NDFIP1: variants seen among roughly 807,000 people sequenced by gnomAD.
NDFIP1 encodes NEDD4 family-interacting protein 1.
NDFIP1 carries 7 observed loss-of-function variants against 28.8 expected under a neutral mutation model. The ratio of observed to expected loss-of-function variants is 0.24; its 90% CI spans 0.14 to 0.46. NDFIP1 has a LOEUF of 0.46. NDFIP1 is among the 20% of genes least tolerant of loss of function. The pLI, the probability that NDFIP1 is intolerant of heterozygous loss-of-function variation, is 0.99. For synonymous variants in NDFIP1, 92 were observed against 101.0 expected (o/e 0.91, Z 0.53); for missense variants, 194 against 269.1 (o/e 0.72, Z 1.95).
Position 142,153,069 on chromosome 5 carries a change from T to C in NDFIP1, c.*1341T>C. ...ATTATGCTTCAATTTTTAGACATAATTTTAGATAATTTATTTCCAGTGTTT... is the reference window on the plus strand; with the variant it reads ...ATTATGCTTCAATTTTTAGACATAACTTTAGATAATTTATTTCCAGTGTTT... On this transcript the variant is annotated 3_prime_UTR_variant, in exon 8 of 8. Transcript: ENST00000253814. 2 of 341,220 alleles carry C rather than the reference T, an allele frequency of 5.9e-6. No homozygotes were observed. The highest frequency in any genetic ancestry group is 4.7e-5 in the South Asian group (2 of 42,840). The allele number at this position is 341,220 out of a possible 1,614,324, so 21.1% of individuals were successfully genotyped here. A position where few individuals can be genotyped will look rare whatever the true frequency, so the allele number is the denominator to read the frequency against.
At chr5:142,134,201 G>A (rs1034050313) in intron 3 of NDFIP1, 1 of 152,200 alleles carries the variant, frequency 6.6e-6, no homozygotes, top group Non-Finnish European at 1.5e-5. Context: ...GACTTGTGTG[G>A]TGTTTTGGAA....
At chr5:142,133,179 C>T (rs949865083) in intron 3 of NDFIP1, among the ~76,000 whole-genome samples, 2 of 152,112 alleles carry the variant, frequency 1.3e-5, no homozygotes, top group Non-Finnish European at 2.9e-5. Flanking sequence ...CTGTGAGGAG[C>T]GAAGCTCCTA....
intron 7 of NDFIP1, among the ~76,000 whole-genome samples, chr5:142,149,330 A>G (rs895969584): frequency 9.9e-5 from 15 of 152,098 alleles, no homozygotes; most frequent in Non-Finnish European, 1.8e-4. Context: ...ATAATAGGGA[A>G]ATGGTGTTTC....
chr5:142,122,143 C>G (rs188790717), intron 1 of NDFIP1, among the ~76,000 whole-genome samples: 23 of 152,310 alleles, frequency 1.5e-4, no homozygotes, highest in African/African-American at 5.3e-4. Context: ...TACTTAAATC[C>G]AGAAACAGCA....
intron 1 of NDFIP1, among the ~76,000 whole-genome samples, chr5:142,123,501 G>A (rs1402950185): frequency 6.6e-6 from 1 of 152,004 alleles, no homozygotes. Context: ...TTCTCCTTTG[G>A]AAGGAGCTGC....
intron 6 of NDFIP1, chr5:142,142,940 A>AAAAAAG (rs60076432): frequency 2.6e-5 from 1 of 38,150 alleles, no homozygotes; most frequent in African/African-American, 1.3e-4. Flanking sequence ...AAAAAAAAAA[A>AAAAAAG]ATATATATAT....
chr5:142,142,191 A>C (rs1223974118), intron 6 of NDFIP1, among the ~76,000 whole-genome samples: 2 of 152,138 alleles, frequency 1.3e-5, no homozygotes. Flanking sequence ...AGAGCCTTGC[A>C]TTGCTGACCC....
At chr5:142,134,304 T>G (rs911184987) in intron 3 of NDFIP1, among the ~76,000 whole-genome samples, 6 of 152,196 alleles carry the variant, frequency 3.9e-5, no homozygotes, top group Non-Finnish European at 8.8e-5. Context: ...GTAATATTAT[T>G]AGATGTTACT....
chr5:142,137,272 C>G (rs900642470), intron 4 of NDFIP1, among the ~76,000 whole-genome samples: 95 of 152,256 alleles, frequency 6.2e-4, no homozygotes, highest in Non-Finnish European at 2.5e-4. Context: ...GTGATCCCCC[C>G]ACCTCAGCCT....
At chr5:142,123,556 G>A (rs1371959530) in intron 1 of NDFIP1, among the ~76,000 whole-genome samples, 1 of 152,096 alleles carries the variant, frequency 6.6e-6, no homozygotes, top group Non-Finnish European at 1.5e-5. Flanking sequence ...GCTTGTTTGT[G>A]CTTCCATGTT....
chr5:142,141,248 T>C (rs112028479), intron 6 of NDFIP1, among the ~76,000 whole-genome samples: 23,310 of 136,936 alleles, frequency 0.17, 2,670 homozygotes, highest in African/African-American at 0.34. Flanking sequence ...TGATCTCGGC[T>C]CACTGCAAGC....
intron 1 of NDFIP1, among the ~76,000 whole-genome samples, chr5:142,115,300 T>G (rs1596781167): frequency 6.6e-6 from 1 of 152,206 alleles, no homozygotes; most frequent in East Asian, 1.9e-4. Flanking sequence ...TTGTTTGTTT[T>G]GAGATGGAGT....
In NDFIP1 at chr5:142,127,141, G is replaced by A. The variant is rs186637699; in HGVS notation, c.64-4667G>A. On this transcript the variant is annotated intron_variant, in intron 1 of 7. Coordinates refer to ENST00000253814, the MANE Select transcript of NDFIP1 (RefSeq NM_030571.4). Reference sequence around the variant, plus strand: ...AGTGATTCTCGTGCCTAAGCCTCCCGAGTAGTTGGGACTACAGGTGCATGC... The same window carrying A: ...AGTGATTCTCGTGCCTAAGCCTCCCAAGTAGTTGGGACTACAGGTGCATGC... Among the ~76,000 whole-genome samples, 276 of 151,996 alleles carry A rather than the reference G, an allele frequency of 1.8e-3. 1 individual carries two copies. The highest frequency in any genetic ancestry group is 6.2e-3 in the African/African-American group (258 of 41,438).
intron 4 of NDFIP1, among the ~76,000 whole-genome samples, chr5:142,136,532 A>G (rs895744292): frequency 3.9e-5 from 6 of 152,044 alleles, no homozygotes; most frequent in Non-Finnish European, 8.8e-5. Context: ...AGGCAGGCAG[A>G]TGCCCTGAGG....
chr5:142,120,845 CT>C (rs1402581032), intron 1 of NDFIP1, among the ~76,000 whole-genome samples: 2 of 152,182 alleles, frequency 1.3e-5, no homozygotes, highest in Non-Finnish European at 2.9e-5. Flanking sequence ...CTTGATGCAC[CT>C]ACTTTTTGGC....
intron 4 of NDFIP1, among the ~76,000 whole-genome samples, chr5:142,137,102 G>T (rs1226139846): frequency 6.7e-6 from 1 of 149,286 alleles, no homozygotes. Context: ...AGCAGAGGTT[G>T]TAAGTATACA....
At position 142,135,820 on chromosome 5, in the gene NDFIP1, A is replaced by G; in HGVS notation, c.370+3A>G. The G allele has an allele frequency of 1.2e-6, 2 of 1,608,972 alleles. No individual in the cohort carries two copies. The highest frequency in any genetic ancestry group is 2.2e-5 in the South Asian group (2 of 90,978). On this transcript the variant is annotated splice_donor_region_variant and intron_variant, in intron 4 of 7. Coordinates refer to ENST00000253814, the MANE Select transcript of NDFIP1 (RefSeq NM_030571.4). ...GATTTTCATGTTAACTTTTTTCAGT[A>G]AGTATGTATGCATATCAGAACCACC...
rs141146924 is a variant in NDFIP1 at position 142,120,231 on chromosome 5, C to T, written c.63+11194C>T. ...TCAGCCTCCCAAAGTGCTGGGATTACAGGCATGAGCCACTGCACCCGGCCC... is the reference window on the plus strand; with the variant it reads ...TCAGCCTCCCAAAGTGCTGGGATTATAGGCATGAGCCACTGCACCCGGCCC... On this transcript the variant is annotated intron_variant, in intron 1 of 7. Transcript: ENST00000253814. Among the ~76,000 whole-genome samples the T allele has an allele frequency of 5.8e-3, 884 of 152,314 alleles. 6 individuals are homozygous for T. Among genetic ancestry groups the T allele is most frequent in the Middle Eastern group, 0.017 (5 of 294 alleles).
intron 2 of NDFIP1, 78 bp downstream of exon 2, chr5:142,131,973 G>T: frequency 8.1e-7 from 1 of 1,236,928 alleles, no homozygotes; most frequent in Non-Finnish European, 1.1e-6. Context: ...AAAAAAAAAA[G>T]CTTCAGAAGC....
Sources: allele counts gnomAD v4.1 joint callset (sites outside exome capture counted in the v4.1 genomes callset), GRCh38; gene constraint gnomAD v4.1.1; transcripts MANE v1.5; gene names NCBI Gene and HGNC (gene_info 2026-07-23, HGNC 2026-07-21).